WWOX: variants seen among roughly 807,000 people sequenced by gnomAD.
The protein encoded by WWOX is WW domain-containing oxidoreductase.
Under a neutral mutation model 46.2 loss-of-function variants are expected in WWOX, and 69 were observed. That is an observed-to-expected ratio of 1.49 (90% CI 1.23 to 1.82). The LOEUF (loss-of-function observed/expected upper bound fraction) is 1.82. Ranked by LOEUF, WWOX falls within the 40% of genes most tolerant of loss-of-function variation. The probability of loss-of-function intolerance (pLI) is 0.00; values close to 1 mark genes in which losing one functional copy is unlikely to be tolerated. For missense variants in WWOX, 919 were observed against 542.6 expected, an observed-to-expected ratio of 1.69 and a Z score of -6.89; for synonymous variants, 359 against 202.6, an observed-to-expected ratio of 1.77 and a Z score of -6.56.
intron 8 of WWOX, among the ~76,000 whole-genome samples, chr16:78,487,730 C>T (rs1423653131): frequency 1.3e-5 from 2 of 152,102 alleles, no homozygotes; most frequent in African/African-American, 2.4e-5. Context: ...AAATGTCTGG[C>T]CTTCTGGGGA....
At chr16:78,373,456 T>A (rs2081743658) in intron 5 of WWOX, among the ~76,000 whole-genome samples, 1 of 152,180 alleles carries the variant, frequency 6.6e-6, no homozygotes, top group South Asian at 2.1e-4. Flanking sequence ...AGTTACATTC[T>A]CTTCTGCTCA....
intron 8 of WWOX, among the ~76,000 whole-genome samples, chr16:78,791,361 C>T (rs1197021775): frequency 1.3e-5 from 2 of 152,156 alleles, no homozygotes; most frequent in African/African-American, 4.8e-5. Context: ...AGGAAGCATT[C>T]AGCAGGCAGG....
At chr16:78,734,412 A>G (rs2049035779) in intron 8 of WWOX, among the ~76,000 whole-genome samples, 1 of 152,192 alleles carries the variant, frequency 6.6e-6, no homozygotes, top group African/African-American at 2.4e-5. Context: ...TAATTGGAAT[A>G]TAGTAAATGT....
intron 6 of WWOX, among the ~76,000 whole-genome samples, chr16:78,389,347 TG>T (rs2082129141): frequency 6.6e-6 from 1 of 152,202 alleles, no homozygotes; most frequent in African/African-American, 2.4e-5. Flanking sequence ...GACATTCTTC[TG>T]GGCTCTGAGA....
At chr16:78,401,580 A>ATATTTATATGCTGTAATGTAAT (rs2082414799) in intron 6 of WWOX, among the ~76,000 whole-genome samples, 1 of 152,178 alleles carries the variant, frequency 6.6e-6, no homozygotes, top group Non-Finnish European at 1.5e-5. Context: ...AGTCTGCTTT[A>ATATTTATATGCTGTAATGTAAT]GGGAAAGGGT....
intron 8 of WWOX, among the ~76,000 whole-genome samples, chr16:78,616,443 G>A (rs549492802): frequency 6.6e-6 from 1 of 151,770 alleles, no homozygotes; most frequent in Non-Finnish European, 1.5e-5. Flanking sequence ...AACTAGCAGA[G>A]GCAACTCTCT....
chr16:79,199,855 T>A (rs908496170), intron 8 of WWOX, among the ~76,000 whole-genome samples: 1 of 152,140 alleles, frequency 6.6e-6, no homozygotes, highest in African/African-American at 2.4e-5. Flanking sequence ...TTGCCAGGCA[T>A]TTCTAAGAGG....
At chr16:78,222,985 G>C (rs1386354360) in intron 5 of WWOX, among the ~76,000 whole-genome samples, 1 of 152,172 alleles carries the variant, frequency 6.6e-6, no homozygotes, top group Non-Finnish European at 1.5e-5. Context: ...GGAATGCAGG[G>C]AGGGACGCAC....
intron 4 of WWOX, among the ~76,000 whole-genome samples, chr16:78,135,802 C>G (rs1283001934): frequency 6.6e-6 from 1 of 152,082 alleles, no homozygotes; most frequent in Non-Finnish European, 1.5e-5. Flanking sequence ...TTTTACTTGT[C>G]AGTCCTTTTG....
At chr16:78,162,282 A>G (rs570033436) in intron 4 of WWOX, among the ~76,000 whole-genome samples, 2 of 152,252 alleles carry the variant, frequency 1.3e-5, no homozygotes, top group South Asian at 4.1e-4. Flanking sequence ...CATTTTCCTG[A>G]GAGGTATAAC....
intron 8 of WWOX, among the ~76,000 whole-genome samples, chr16:79,036,890 G>T (rs1461554909): frequency 1.3e-5 from 2 of 152,150 alleles, no homozygotes; most frequent in Non-Finnish European, 2.9e-5. Flanking sequence ...GTGCCAAAGG[G>T]ATTCTTTCAG....
chr16:79,095,648 C>G (rs1174303095), intron 8 of WWOX, among the ~76,000 whole-genome samples: 1 of 152,102 alleles, frequency 6.6e-6, no homozygotes, highest in African/African-American at 2.4e-5. Context: ...TAGGCTCTAA[C>G]CTGGCAGGTT....
chr16:78,575,147 A>G (rs1362155544), intron 8 of WWOX, among the ~76,000 whole-genome samples: 1 of 124,948 alleles, frequency 8.0e-6, no homozygotes, highest in Non-Finnish European at 1.7e-5. Flanking sequence ...ATTTTTGAGA[A>G]AAACTTTGCA....
chr16:79,064,443 C>G (rs1176961238), intron 8 of WWOX, among the ~76,000 whole-genome samples: 1 of 152,198 alleles, frequency 6.6e-6, no homozygotes. Flanking sequence ...AAAGTGCTGA[C>G]TCAGCACCTG....
At chr16:78,852,139 C>T (rs2052459307) in intron 8 of WWOX, among the ~76,000 whole-genome samples, 1 of 152,108 alleles carries the variant, frequency 6.6e-6, no homozygotes, top group Admixed American at 6.5e-5. Flanking sequence ...AGAGTTCAAC[C>T]TTAAATACTT....
chr16:78,852,622 C>G (rs1452670960), intron 8 of WWOX, among the ~76,000 whole-genome samples: 2 of 152,082 alleles, frequency 1.3e-5, no homozygotes, highest in African/African-American at 4.8e-5. Context: ...AATTCTTGAC[C>G]CAGAAAATCT....
intron 8 of WWOX, among the ~76,000 whole-genome samples, chr16:78,980,682 C>G (rs17710327): frequency 0.019 from 2,832 of 152,272 alleles, 50 homozygotes; most frequent in Non-Finnish European, 0.029. Flanking sequence ...AAATCACAAT[C>G]AGAACTTTGA....
chr16:78,355,922 T>G, intron 5 of WWOX: 3 of 285,014 alleles, frequency 1.1e-5, no homozygotes, highest in Non-Finnish European at 7.0e-6. Context: ...GAAACCCGCA[T>G]ACATTTGGAT....
chr16:79,040,205 C>A (rs148358869), intron 8 of WWOX, among the ~76,000 whole-genome samples: 1 of 151,718 alleles, frequency 6.6e-6, no homozygotes, highest in African/African-American at 2.4e-5. Context: ...GTATGACCTC[C>A]AAGTTCTTTG....
Sources: allele counts gnomAD v4.1 joint callset (sites outside exome capture counted in the v4.1 genomes callset), GRCh38; gene constraint gnomAD v4.1.1; transcripts MANE v1.5; gene names NCBI Gene and HGNC (gene_info 2026-07-23, HGNC 2026-07-21).